Variants in SLC35D1 observed in about 807,000 individuals in gnomAD.
The protein encoded by SLC35D1 is nucleotide sugar transporter SLC35D1.
In SLC35D1, 31 loss-of-function variants were observed where a neutral mutation model predicts 46.7. The observed-to-expected ratio is 0.66, with a 90% CI of 0.50 to 0.90. SLC35D1 has a LOEUF of 0.90. Ranked by LOEUF, SLC35D1 falls within the 40% of genes least tolerant of loss-of-function variation. SLC35D1 has a pLI of 0.00. For missense variants in SLC35D1, 397 were observed against 426.2 expected, an observed-to-expected ratio of 0.93 and a Z score of 0.60; for synonymous variants, 195 against 164.6, an observed-to-expected ratio of 1.18 and a Z score of -1.41.
chr1:67,033,843 T>C (rs958994343), intron 8 of SLC35D1, among the ~76,000 whole-genome samples: 4 of 152,176 alleles, frequency 2.6e-5, no homozygotes, highest in South Asian at 4.1e-4. Flanking sequence ...CTTTAATCCA[T>C]TATGATTTGA....
Position 67,053,905 on chromosome 1 carries a change from G to C in SLC35D1, c.109C>G (p.Leu37Val), listed in dbSNP as rs764541160. The C allele has an allele frequency of 6.2e-7, 1 of 1,613,844 alleles. No homozygotes were observed. Among genetic ancestry groups the C allele is most frequent in the Non-Finnish European group, 8.5e-7 (1 of 1,179,774 alleles). The change falls in exon 1 of 12, where the codon CTG (leucine) becomes GTG (valine). Residue 37 changes from leucine (L) to valine (V), a missense_variant. By Grantham distance (32) the Leu-to-Val change is conservative. Coordinates refer to ENST00000235345, the MANE Select transcript of SLC35D1 (RefSeq NM_015139.3). ...GCCAGCAGCTTCAGAAACACGGTCA[G>C]CGTTTCGGCCGACGCCATCCCCAGC... is the stretch of plus-strand genomic sequence containing the variant. ...EELGMASAET[L>V]TVFLKLLAAG...
the SLC35D1 span, chr1:66,985,830 TTTTTTTTA>T: frequency 1.2e-6 from 1 of 858,312 alleles, no homozygotes; most frequent in Non-Finnish European, 1.4e-6. Flanking sequence ...TTTTTTTTTT[TTTTTTTTA>T]AATTTCTACT....
rs1370249579 is a variant in SLC35D1 at position 67,053,835 on chromosome 1, T to C, written c.179A>G (p.Asn60Ser). The change falls in exon 1 of 12, where the codon AAT becomes AGT. Residue 60 changes from asparagine (N) to serine (S), a missense_variant. Transcript: ENST00000235345. ...GVSSFLIVVV[N>S]KSVLTNYRFP... The stretch of plus-strand genomic sequence containing the variant: ...CCTGTAATTGGTGAGCACGCTCTTA[T>C]TCACCACCACGATCAGGAAGGAGCT... The C allele has an allele frequency of 5.6e-6, 9 of 1,612,470 alleles. No individual in the cohort carries two copies. The highest frequency in any genetic ancestry group is 1.1e-5 in the South Asian group (1 of 90,982).
intron 6 of SLC35D1, among the ~76,000 whole-genome samples, chr1:67,047,898 T>C (rs1250505641): frequency 6.6e-6 from 1 of 152,136 alleles, no homozygotes; most frequent in Non-Finnish European, 1.5e-5. Flanking sequence ...CTCAAATACT[T>C]AAACAATAGC....
chr1:67,032,640 C>T (rs1163741280), intron 8 of SLC35D1, among the ~76,000 whole-genome samples: 1 of 152,158 alleles, frequency 6.6e-6, no homozygotes, highest in African/African-American at 2.4e-5. Context: ...GAGATCGCAC[C>T]ATTGCACTCC....
chr1:66,991,040 T>C, the SLC35D1 span, among the ~76,000 whole-genome samples: 1 of 152,328 alleles, frequency 6.6e-6, no homozygotes, highest in African/African-American at 2.4e-5. Context: ...GATTGTTCTA[T>C]TCTGCCTTTG....
rs1667770748 is a variant in SLC35D1 at position 67,020,316 on chromosome 1, A to G, written c.876+53T>C. 18 of 1,190,996 alleles carry G rather than the reference A, an allele frequency of 1.5e-5. 1 individual carries two copies. The South Asian group carries it at 2.2e-4, about 14-fold the overall frequency. 73.8% of individuals were successfully genotyped at this position (1,190,996 alleles called of 1,614,324 possible). On this transcript the variant is annotated intron_variant, in intron 10 of 11. Coordinates refer to ENST00000235345, the MANE Select transcript of SLC35D1 (RefSeq NM_015139.3). The stretch of plus-strand genomic sequence containing the variant: ...CATCAACAGACTCTTATCTTAAAGG[A>G]ACAATTTTCAAATAATGCAGGTACC...
chr1:66,997,520 AT>A (rs1180584904), downstream of SLC35D1, among the ~76,000 whole-genome samples: 1 of 9,792 alleles, frequency 1.0e-4, no homozygotes, highest in African/African-American at 3.8e-4. Flanking sequence ...AAAAAAAAAA[AT>A]ATATATATAT....
At chr1:66,988,317 G>A in the SLC35D1 span, 31 of 152,290 alleles carry the variant, frequency 2.0e-4, no homozygotes, top group African/African-American at 7.2e-4. Context: ...ACTTTTTACC[G>A]TAAAAATTAA....
chr1:66,982,297 TGTAAG>T, the SLC35D1 span, among the ~76,000 whole-genome samples: 7 of 152,148 alleles, frequency 4.6e-5, no homozygotes, highest in Non-Finnish European at 1.0e-4. Context: ...AATACCTTGA[TGTAAG>T]GTAACAAGTG....
intron 7 of SLC35D1, among the ~76,000 whole-genome samples, chr1:67,044,987 C>T (rs1031072944): frequency 1.3e-5 from 2 of 152,012 alleles, no homozygotes; most frequent in Non-Finnish European, 2.9e-5. Flanking sequence ...TGCTTATGGT[C>T]ACCACAAGCA....
intron 10 of SLC35D1, among the ~76,000 whole-genome samples, chr1:67,012,987 T>C (rs1422680297): frequency 1.3e-5 from 2 of 151,376 alleles, no homozygotes; most frequent in East Asian, 1.9e-4. Context: ...GTATCTTCAA[T>C]AAAAAAAATT....
chr1:66,976,507 C>T, the SLC35D1 span: 1 of 1,334,744 alleles, frequency 7.5e-7, no homozygotes, highest in Non-Finnish European at 1.0e-6. Context: ...TAAGGACTAG[C>T]CAAATTTATT....
At chr1:67,017,140 GC>G (rs1667701405) in intron 10 of SLC35D1, among the ~76,000 whole-genome samples, 1 of 152,076 alleles carries the variant, frequency 6.6e-6, no homozygotes, top group Non-Finnish European at 1.5e-5. Flanking sequence ...TCTAAGAAGA[GC>G]CTATATGGCC....
intron 6 of SLC35D1, among the ~76,000 whole-genome samples, chr1:67,048,919 G>A (rs753931003): frequency 4.6e-5 from 7 of 152,060 alleles, no homozygotes; most frequent in Admixed American, 1.3e-4. Context: ...TTCATTATTC[G>A]AAAAGGCAAG....
intron 8 of SLC35D1, among the ~76,000 whole-genome samples, chr1:67,022,756 A>G (rs1570620709): frequency 6.6e-6 from 1 of 152,234 alleles, no homozygotes; most frequent in Non-Finnish European, 1.5e-5. Flanking sequence ...GTAGTCACAA[A>G]TGTATAATCA....
At chr1:66,984,338 C>A in the SLC35D1 span, among the ~76,000 whole-genome samples, 1 of 152,104 alleles carries the variant, frequency 6.6e-6, no homozygotes, top group Admixed American at 6.5e-5. Flanking sequence ...TTCACAACAA[C>A]CCTGTGAGGA....
chr1:67,023,815 T>C (rs529457205), intron 8 of SLC35D1, among the ~76,000 whole-genome samples: 1 of 151,988 alleles, frequency 6.6e-6, no homozygotes, highest in East Asian at 1.9e-4. Flanking sequence ...TTCACATTAT[T>C]TGTCTTATTA....
At chr1:66,976,278 A>C in the SLC35D1 span, among the ~76,000 whole-genome samples, 16 of 152,254 alleles carry the variant, frequency 1.1e-4, no homozygotes, top group Non-Finnish European at 2.4e-4. Context: ...CTGGGATTAC[A>C]GGCGTGAGCC....
Sources: allele counts gnomAD v4.1 joint callset (sites outside exome capture counted in the v4.1 genomes callset), GRCh38; gene constraint gnomAD v4.1.1; transcripts MANE v1.5; gene names NCBI Gene and HGNC (gene_info 2026-07-23, HGNC 2026-07-21).